LIPC: variants seen among roughly 807,000 people sequenced by gnomAD.
The protein encoded by LIPC is lipase C, hepatic type, also known as hepatic triacylglycerol lipase.
LIPC carries 44 observed loss-of-function variants against 50.7 expected under a neutral mutation model. That is an observed-to-expected ratio of 0.87 (90% CI 0.68 to 1.11). The LOEUF is 1.11. LIPC is among the 50% of genes most tolerant of loss of function. The pLI is 0.00. For missense variants in LIPC, 697 were observed against 648.2 expected, an observed-to-expected ratio of 1.08 and a Z score of -0.82; for synonymous variants, 271 against 256.4, an observed-to-expected ratio of 1.06 and a Z score of -0.54.
At chr15:58,522,131 A>T (rs1315330299) in intron 1 of LIPC, 1 of 152,374 alleles carries the variant, frequency 6.6e-6, no homozygotes, top group Non-Finnish European at 1.5e-5. Flanking sequence ...CTGTACCCCC[A>T]CCACCCCAGA....
chr15:58,496,915 C>T (rs1479512416), intron 1 of LIPC, among the ~76,000 whole-genome samples: 2 of 152,092 alleles, frequency 1.3e-5, no homozygotes, highest in Non-Finnish European at 2.9e-5. Context: ...CAACCCCTGA[C>T]CTCAGGTTAT....
In LIPC at chr15:58,503,013, T is replaced by C. The variant is rs1269154293; in HGVS notation, c.89-35320T>C. On this transcript the variant is annotated intron_variant, in intron 1 of 8. Transcript: ENST00000299022. ...CTTCTATCAGATGTGCCATGCATCA[T>C]TGACAATAGTATACACATATTATTT... is the stretch of plus-strand genomic sequence containing the variant. Among the ~76,000 whole-genome samples, 12 of 151,360 alleles carry C rather than the reference T, an allele frequency of 7.9e-5. 1 individual carries two copies. Among genetic ancestry groups the C allele is most frequent in the African/African-American group, 2.7e-4 (11 of 41,146 alleles).
intron 1 of LIPC, among the ~76,000 whole-genome samples, chr15:58,527,409 G>A (rs1892828207): frequency 6.6e-6 from 1 of 152,192 alleles, no homozygotes; most frequent in African/African-American, 2.4e-5. Context: ...CTCAACCTCT[G>A]TGAGTCTAGA....
chr15:58,539,841 C>G (rs1050503278), intron 2 of LIPC, among the ~76,000 whole-genome samples: 6 of 152,150 alleles, frequency 3.9e-5, no homozygotes, highest in African/African-American at 1.4e-4. Context: ...TTCTCCTCCT[C>G]TTTTCCTGAT....
chr15:58,488,421 C>T (rs1435288755), intron 1 of LIPC, among the ~76,000 whole-genome samples: 1 of 152,198 alleles, frequency 6.6e-6, no homozygotes, highest in Non-Finnish European at 1.5e-5. Flanking sequence ...TGTATCAATC[C>T]CTGTTAGGCA....
intron 1 of LIPC, among the ~76,000 whole-genome samples, chr15:58,482,582 TAGCCAC>T (rs1422903072): frequency 2.0e-5 from 3 of 152,180 alleles, no homozygotes; most frequent in African/African-American, 4.8e-5. Flanking sequence ...ATGGGTCACT[TAGCCAC>T]AGCCACTCTA....
At chr15:58,432,286 G>A in intron 1 of LIPC, 166 bp downstream of exon 1, 1 of 654,056 alleles carries the variant, frequency 1.5e-6, no homozygotes, top group Non-Finnish European at 2.8e-6. Context: ...GTAGCCGTTT[G>A]TAAACAGAAA....
intron 1 of LIPC, among the ~76,000 whole-genome samples, chr15:58,468,999 C>T (rs1363709047): frequency 6.6e-6 from 1 of 152,046 alleles, no homozygotes; most frequent in African/African-American, 2.4e-5. Context: ...CAGAGCTATC[C>T]CACTTGATCT....
At chr15:58,524,179 C>T (rs1016116702) in intron 1 of LIPC, among the ~76,000 whole-genome samples, 1 of 152,136 alleles carries the variant, frequency 6.6e-6, no homozygotes, top group Admixed American at 6.6e-5. Context: ...ATGCCCCCAC[C>T]CTTCCACAAA....
rs201384114 is a variant in LIPC at position 58,445,110 on chromosome 15, G to A, written c.88+12990G>A. Reference sequence around the variant, plus strand: ...TAGCAGGGTGGGATGGGGAGTGGGGGCTCAGGGAGCCTGGGCTGGGGAGAG... The same window carrying A: ...TAGCAGGGTGGGATGGGGAGTGGGGACTCAGGGAGCCTGGGCTGGGGAGAG... On this transcript the variant is annotated intron_variant, in intron 1 of 8. Transcript: ENST00000299022. 3.3e-5 allele frequency among the ~76,000 whole-genome samples: 5 copies of A among 152,316 alleles called. No individual in the cohort carries two copies. The East Asian group carries it at 7.7e-4, about 24-fold the overall frequency.
At chr15:58,526,837 G>A (rs575951908) in intron 1 of LIPC, among the ~76,000 whole-genome samples, 4 of 152,304 alleles carry the variant, frequency 2.6e-5, no homozygotes, top group African/African-American at 9.6e-5. Context: ...ACACAAGACG[G>A]TCTTCCTATT....
intron 1 of LIPC, among the ~76,000 whole-genome samples, chr15:58,466,611 T>C (rs189580443): frequency 2.0e-5 from 3 of 152,228 alleles, no homozygotes; most frequent in Admixed American, 2.0e-4. Context: ...AAAATTCTTC[T>C]CTGGTTTATA....
intron 1 of LIPC, among the ~76,000 whole-genome samples, chr15:58,443,713 T>A (rs531491158): frequency 4.3e-4 from 65 of 152,348 alleles, no homozygotes; most frequent in African/African-American, 1.5e-3. Flanking sequence ...GCAGGCTTTG[T>A]GTGAGCAACA....
chr15:58,561,337 G>C (rs1048160531), intron 7 of LIPC, among the ~76,000 whole-genome samples: 2 of 152,176 alleles, frequency 1.3e-5, no homozygotes, highest in African/African-American at 4.8e-5. Context: ...GAGGTGCAGG[G>C]GAGCTTCCAA....
At chr15:58,557,379 C>CTTTTTTTTTTTTTTTTTTTTTT (rs386383140) in intron 6 of LIPC, among the ~76,000 whole-genome samples, 2 of 75,698 alleles carry the variant, frequency 2.6e-5, no homozygotes, top group East Asian at 4.6e-4. Context: ...ATTATATGCT[C>CTTTTTTTTTTTTTTTTTTTTTT]TTTTTTTTTT....
At chr15:58,552,674 G>C (rs1417489014) in intron 6 of LIPC, among the ~76,000 whole-genome samples, 2 of 152,192 alleles carry the variant, frequency 1.3e-5, no homozygotes, top group Admixed American at 1.3e-4. Context: ...GCTGTGACTC[G>C]GGCAGTCGGT....
chr15:58,468,002 A>C (rs767922202), intron 1 of LIPC, among the ~76,000 whole-genome samples: 3 of 152,196 alleles, frequency 2.0e-5, no homozygotes, highest in Non-Finnish European at 2.9e-5. Context: ...TCTGTAAAAT[A>C]ATAGGACCCA....
chr15:58,541,687 C>T, intron 2 of LIPC, 98 bp from the exon 3 acceptor site: 1 of 1,257,220 alleles, frequency 8.0e-7, no homozygotes. Flanking sequence ...AACGTCATAG[C>T]AAGCCCTTCC....
intron 1 of LIPC, among the ~76,000 whole-genome samples, chr15:58,447,321 C>T (rs1167209467): frequency 4.6e-5 from 7 of 152,266 alleles, no homozygotes; most frequent in African/African-American, 1.4e-4. Flanking sequence ...ATCGCTTGGA[C>T]TCTCGACTAG....
Sources: gnomAD v4.1 joint callset for allele counts (sites outside exome capture counted in the v4.1 genomes callset) on GRCh38, gnomAD v4.1.1 for gene constraint, MANE v1.5 for transcripts, NCBI Gene and HGNC (gene_info 2026-07-23, HGNC 2026-07-21) for gene names.